TTK: variants seen among roughly 807,000 people sequenced by gnomAD.
TTK encodes the protein TTK protein kinase.
In TTK, 59 loss-of-function variants were observed where a neutral mutation model predicts 117.3. That is an observed-to-expected ratio of 0.50 (90% CI 0.41 to 0.62). TTK has a LOEUF of 0.62. Ranked by LOEUF, TTK falls within the 20% of genes least tolerant of loss-of-function variation. The pLI is 0.00. For synonymous variants in TTK, 302 were observed against 325.0 expected, an observed-to-expected ratio of 0.93 and a Z score of 0.76; for missense variants, 921 against 989.4, an observed-to-expected ratio of 0.93 and a Z score of 0.93.
At chr6:80,040,488 G>T in intron 20 of TTK, 118 bp from the exon 21 acceptor site, 1 of 942,058 alleles carries the variant, frequency 1.1e-6, no homozygotes, top group Admixed American at 3.2e-5. Flanking sequence ...CCAGATAACG[G>T]GTTATAATCA....
intron 13 of TTK, among the ~76,000 whole-genome samples, chr6:80,028,416 C>T (rs1767666275): frequency 2.0e-5 from 3 of 152,062 alleles, no homozygotes; most frequent in African/African-American, 7.2e-5. Flanking sequence ...TTCCCAGGTT[C>T]AAGCGATTCT....
chr6:80,023,083 A>G (rs2127675902), intron 11 of TTK, among the ~76,000 whole-genome samples: 1 of 152,234 alleles, frequency 6.6e-6, no homozygotes, highest in East Asian at 1.9e-4. Context: ...CTATAGCTGC[A>G]GTTCATGGCC....
At chr6:80,030,960 G>A (rs928030173) in intron 13 of TTK, among the ~76,000 whole-genome samples, 1 of 151,280 alleles carries the variant, frequency 6.6e-6, no homozygotes, top group East Asian at 2.0e-4. Flanking sequence ...GAGAAGAATC[G>A]CTTGATCCTG....
intron 10 of TTK, 40 bp from the exon 11 acceptor site, chr6:80,022,284 A>C (rs1767480206): frequency 6.3e-7 from 1 of 1,592,988 alleles, no homozygotes; most frequent in South Asian, 1.1e-5. Context: ...TATTATGATC[A>C]AATATTCTTG....
At chr6:80,034,241 A>C (rs1456983819) in intron 14 of TTK, among the ~76,000 whole-genome samples, 1 of 152,134 alleles carries the variant, frequency 6.6e-6, no homozygotes, top group East Asian at 1.9e-4. Flanking sequence ...AGTATCTAGA[A>C]CAGTCATGGG....
chr6:80,022,587 GTTTA>G (rs1219111389), intron 11 of TTK, 115 bp downstream of exon 11: 1 of 1,179,890 alleles, frequency 8.5e-7, no homozygotes, highest in Non-Finnish European at 1.2e-6. Flanking sequence ...TAGTAGAATA[GTTTA>G]TTTAAAGGTT....
At chr6:80,031,709 T>G in intron 14 of TTK, 150 bp downstream of exon 14, 1 of 474,722 alleles carries the variant, frequency 2.1e-6, no homozygotes, top group Non-Finnish European at 3.7e-6. Flanking sequence ...TGCCTTTCTC[T>G]TCCCGCTGCC....
At chr6:80,022,031 T>C (rs1767472201) in intron 10 of TTK, among the ~76,000 whole-genome samples, 1 of 152,212 alleles carries the variant, frequency 6.6e-6, no homozygotes, top group South Asian at 2.1e-4. Flanking sequence ...TTATAACATC[T>C]ATATGTTTTT....
At chr6:80,039,583 C>T (rs1767991968) in intron 18 of TTK, 113 bp from the exon 19 acceptor site, 11 of 726,658 alleles carry the variant, frequency 1.5e-5, no homozygotes, top group Non-Finnish European at 2.2e-5. Flanking sequence ...TAATGTAGTA[C>T]ACATTCATTG....
At chr6:80,032,658 A>T (rs780907233) in intron 14 of TTK, among the ~76,000 whole-genome samples, 85 of 131,822 alleles carry the variant, frequency 6.4e-4, no homozygotes, top group Non-Finnish European at 1.2e-3. Flanking sequence ...GGTGCCTCTT[A>T]CTCTCATACA....
intron 10 of TTK, among the ~76,000 whole-genome samples, chr6:80,016,359 T>C (rs1767307748): frequency 6.6e-6 from 1 of 152,224 alleles, no homozygotes; most frequent in South Asian, 2.1e-4. Flanking sequence ...TCCTGTTCTT[T>C]GCAATCATTG....
At chr6:80,020,288 A>G (rs1767423147) in intron 10 of TTK, among the ~76,000 whole-genome samples, 1 of 152,202 alleles carries the variant, frequency 6.6e-6, no homozygotes, top group African/African-American at 2.4e-5. Flanking sequence ...CTCTATGGCA[A>G]TTTCGTTTTA....
chr6:80,009,463 TCTC>T (rs1767086273), intron 4 of TTK, among the ~76,000 whole-genome samples: 1 of 152,072 alleles, frequency 6.6e-6, no homozygotes, highest in Admixed American at 6.6e-5. Flanking sequence ...ATCCCTTTCT[TCTC>T]TAGAAAAATG....
chr6:80,034,406 A>C (rs1216536039), intron 14 of TTK, among the ~76,000 whole-genome samples: 1 of 152,208 alleles, frequency 6.6e-6, no homozygotes, highest in South Asian at 2.1e-4. Context: ...AAACTCATTC[A>C]TGCAAAAATT....
At position 80,007,810 on chromosome 6, in the gene TTK, T is replaced by G. The variant is rs1314086478; in HGVS notation, c.141T>G (p.Asp47Glu). 1 of 1,600,044 alleles carries G rather than the reference T, an allele frequency of 6.2e-7. No individual in the cohort carries two copies. The highest frequency in any genetic ancestry group is 8.5e-7 in the Non-Finnish European group (1 of 1,172,838). The change falls in exon 3 of 22, where the codon GAT (aspartate) becomes GAG (glutamate). Residue 47 changes from aspartate to glutamate, a missense_variant and splice_region_variant. Coordinates refer to ENST00000369798, the MANE Select transcript of TTK (RefSeq NM_003318.5). ...SLNKISADTT[D>E]NSGTVNQIMM... The stretch of plus-strand genomic sequence containing the variant: ...ATATATTTTGTTCCCCTTATTTAGA[T>G]AACTCGGGAACTGTTAACCAAATTA...
rs1221954626 is a variant in TTK at position 80,005,994 on chromosome 6, T to A, written c.139+12T>A. 6.3e-7 allele frequency: 1 copy of A among 1,598,138 alleles called. No individual in the cohort carries two copies. Among genetic ancestry groups the A allele is most frequent in the South Asian group, 1.1e-5 (1 of 88,746 alleles). On this transcript the variant is annotated intron_variant, in intron 2 of 21. Transcript: ENST00000369798. Reference sequence around the variant, plus strand: ...TGCTGATACTACAGGTGAGTTTTTCTTTTCTTTTAAGTTAGTAACTGTTTG... The same window carrying A: ...TGCTGATACTACAGGTGAGTTTTTCATTTCTTTTAAGTTAGTAACTGTTTG...
rs879007963 is a variant in TTK, at chr6:80,008,235, A to G, written c.363-151A>G. 1.1e-5 allele frequency: 11 copies of G among 1,004,464 alleles called. No individual in the cohort carries two copies. The South Asian group carries it at 1.8e-4, about 16-fold the overall frequency. 62.2% of individuals were successfully genotyped at this position (1,004,464 alleles called of 1,614,324 possible). A position where few individuals can be genotyped will look rare whatever the true frequency, so the allele number is the denominator to read the frequency against. On this transcript the variant is annotated intron_variant, in intron 3 of 21. Transcript: ENST00000369798. ...CAGTTTACTTATTTTAAACTGCCTA[A>G]AAAGATTTTTTTAAAATAACTTATT...
intron 16 of TTK, 59 bp from the exon 17 acceptor site, chr6:80,036,416 T>G: frequency 6.5e-7 from 1 of 1,530,350 alleles, no homozygotes; most frequent in South Asian, 1.3e-5. Flanking sequence ...GACTGTGAAT[T>G]TTTTGGTCCT....
At chr6:80,011,834 G>A (rs759035620) in intron 7 of TTK, 33 bp downstream of exon 7, 5 of 1,612,050 alleles carry the variant, frequency 3.1e-6, no homozygotes, top group Middle Eastern at 1.7e-4. Context: ...GATTAAGGTG[G>A]TGATAGTCTT....
Sources: allele counts gnomAD v4.1 joint callset (sites outside exome capture counted in the v4.1 genomes callset), GRCh38; gene constraint gnomAD v4.1.1; transcripts MANE v1.5; gene names NCBI Gene and HGNC (gene_info 2026-07-23, HGNC 2026-07-21).